MAML3: variants seen among roughly 807,000 people sequenced by gnomAD.
The protein encoded by MAML3 is mastermind like transcriptional coactivator 3, also known as mastermind-like protein 3.
In MAML3, 27 loss-of-function variants were observed where a neutral mutation model predicts 101.9. That is an observed-to-expected ratio of 0.27 (90% CI 0.20 to 0.37). MAML3 has a LOEUF of 0.37. MAML3 is among the 10% of genes least tolerant of loss of function. The pLI is 1.00. For missense variants in MAML3, 1,316 were observed against 1,444.9 expected (o/e 0.91, Z 1.45); for synonymous variants, 501 against 555.9 (o/e 0.90, Z 1.39).
intron 2 of MAML3, among the ~76,000 whole-genome samples, chr4:139,739,693 T>C (rs1220522403): frequency 1.4e-5 from 2 of 142,994 alleles, no homozygotes; most frequent in Non-Finnish European, 3.0e-5. Context: ...TTTTTTTTTT[T>C]TCTTTTATGT....
intron 2 of MAML3, among the ~76,000 whole-genome samples, chr4:139,876,077 T>A (rs1036154461): frequency 1.3e-5 from 2 of 152,140 alleles, no homozygotes; most frequent in African/African-American, 4.8e-5. Context: ...CTGGTCCGAA[T>A]TGGGCTGTGC....
intron 2 of MAML3, among the ~76,000 whole-genome samples, chr4:139,763,983 G>C (rs1363299749): frequency 6.6e-6 from 1 of 152,178 alleles, no homozygotes; most frequent in Non-Finnish European, 1.5e-5. Context: ...ACAAGAAATG[G>C]GTGAAGGGGT....
At chr4:139,865,695 A>G (rs369679848) in intron 2 of MAML3, among the ~76,000 whole-genome samples, 2 of 152,094 alleles carry the variant, frequency 1.3e-5, no homozygotes, top group African/African-American at 4.8e-5. Context: ...CTCCTCACCA[A>G]GTCTTTCTTC....
In MAML3 at chr4:140,065,184, A is replaced by G. The variant is rs1293871467; in HGVS notation, c.468+87676T>C. On this transcript the variant is annotated intron_variant, in intron 1 of 4. Coordinates refer to ENST00000509479, the MANE Select transcript of MAML3 (RefSeq NM_018717.5). Reference sequence around the variant, plus strand: ...GTATAAACTTGCTTTTCTACAGAGTAAAATCCAAAAGCCACTGTGTGAAGT... The same window carrying G: ...GTATAAACTTGCTTTTCTACAGAGTGAAATCCAAAAGCCACTGTGTGAAGT... Among the ~76,000 whole-genome samples, 7 of 152,192 alleles carry G rather than the reference A, an allele frequency of 4.6e-5. No individual in the cohort carries two copies. In the South Asian group the frequency reaches 6.2e-4, roughly 14 times the overall value.
chr4:139,795,996 T>C (rs1222442428), intron 2 of MAML3, among the ~76,000 whole-genome samples: 1 of 152,236 alleles, frequency 6.6e-6, no homozygotes, highest in African/African-American at 2.4e-5. Context: ...TGAGGGCATT[T>C]GGGTAGCACG....
intron 2 of MAML3, among the ~76,000 whole-genome samples, chr4:139,792,174 T>C (rs1730425602): frequency 6.6e-6 from 1 of 152,216 alleles, no homozygotes; most frequent in Non-Finnish European, 1.5e-5. Context: ...CATGGATATA[T>C]GGAGAGAGCA....
At chr4:139,990,632 G>A (rs560547925) in intron 1 of MAML3, among the ~76,000 whole-genome samples, 10 of 151,862 alleles carry the variant, frequency 6.6e-5, no homozygotes, top group African/African-American at 1.9e-4. Flanking sequence ...CAGATGACAT[G>A]ATTGTATATC....
At chr4:140,138,351 C>T (rs571044681) in intron 1 of MAML3, among the ~76,000 whole-genome samples, 3 of 152,212 alleles carry the variant, frequency 2.0e-5, no homozygotes, top group South Asian at 2.1e-4. Flanking sequence ...AGAAAATGAA[C>T]GTGAAAAAAT....
At chr4:140,011,089 C>T (rs1726546970) in intron 1 of MAML3, among the ~76,000 whole-genome samples, 1 of 83,830 alleles carries the variant, frequency 1.2e-5, no homozygotes, top group African/African-American at 3.5e-5. Context: ...CAGGGCTAGA[C>T]TCTGTCTCGA....
intron 1 of MAML3, among the ~76,000 whole-genome samples, chr4:139,902,082 C>T (rs888301320): frequency 2.6e-5 from 4 of 152,150 alleles, no homozygotes; most frequent in African/African-American, 9.7e-5. Context: ...GATAAAAAGC[C>T]TCGTGTTTCC....
chr4:139,877,915 A>G (rs983603820), intron 2 of MAML3, among the ~76,000 whole-genome samples: 1 of 152,128 alleles, frequency 6.6e-6, no homozygotes, highest in Non-Finnish European at 1.5e-5. Flanking sequence ...ATGATCATAA[A>G]TATTTGATTC....
Position 139,719,155 on chromosome 4 carries a change from TG to T in MAML3, c.*167del. 1 of 699,206 alleles carries T rather than the reference TG, an allele frequency of 1.4e-6. No individual in the cohort carries two copies. The highest frequency in any genetic ancestry group is 2.3e-6 in the Non-Finnish European group (1 of 436,708). The allele number at this position is 699,206 out of a possible 1,614,324, so 43.3% of individuals were successfully genotyped here. On this transcript the variant is annotated 3_prime_UTR_variant, in exon 5 of 5. Transcript: ENST00000509479. Reference sequence around the variant, plus strand: ...TGTGAAAATCAGGTGAAATGAGGCCTGGTGGGGCTGTGGATTGGCACCTGGA... The same window carrying T: ...TGTGAAAATCAGGTGAAATGAGGCCTGTGGGGCTGTGGATTGGCACCTGGA...
At chr4:140,151,281 C>T (rs1313542691) in intron 1 of MAML3, among the ~76,000 whole-genome samples, 2 of 151,412 alleles carry the variant, frequency 1.3e-5, no homozygotes, top group Non-Finnish European at 1.5e-5. Context: ...TCGCGCCGAC[C>T]TGGGAGGGGA....
intron 2 of MAML3, among the ~76,000 whole-genome samples, chr4:139,871,482 T>A (rs957797820): frequency 6.6e-6 from 1 of 152,238 alleles, no homozygotes; most frequent in Non-Finnish European, 1.5e-5. Context: ...TCTTTGGACC[T>A]ATTTCCAGGG....
intron 2 of MAML3, among the ~76,000 whole-genome samples, chr4:139,821,857 T>A (rs1400845313): frequency 6.6e-6 from 1 of 152,248 alleles, no homozygotes; most frequent in Non-Finnish European, 1.5e-5. Context: ...CCCAGTACTA[T>A]ACTATTCACA....
At chr4:139,837,685 C>T (rs28520297) in intron 2 of MAML3, among the ~76,000 whole-genome samples, 5,222 of 152,102 alleles carry the variant, frequency 0.034, 95 homozygotes, top group Middle Eastern at 0.065. Flanking sequence ...TGTGGGAGGC[C>T]GAGGCAGGCG....
intron 2 of MAML3, among the ~76,000 whole-genome samples, chr4:139,747,617 C>G (rs577653695): frequency 6.6e-6 from 1 of 151,418 alleles, no homozygotes; most frequent in African/African-American, 2.4e-5. Context: ...CTGCCTGAAC[C>G]GGGAGGGTGG....
At chr4:139,875,191 C>A (rs972704107) in intron 2 of MAML3, among the ~76,000 whole-genome samples, 5 of 152,086 alleles carry the variant, frequency 3.3e-5, no homozygotes, top group African/African-American at 1.2e-4. Flanking sequence ...GTGGTAAAGT[C>A]AGGATTTGAA....
At chr4:139,775,799 C>G (rs1730085210) in intron 2 of MAML3, among the ~76,000 whole-genome samples, 1 of 152,128 alleles carries the variant, frequency 6.6e-6, no homozygotes, top group Admixed American at 6.6e-5. Flanking sequence ...CCTTTGCCAT[C>G]CTATTTTTCT....
Sources: allele counts gnomAD v4.1 joint callset (sites outside exome capture counted in the v4.1 genomes callset), GRCh38; gene constraint gnomAD v4.1.1; transcripts MANE v1.5; gene names NCBI Gene and HGNC (gene_info 2026-07-23, HGNC 2026-07-21).